CCPG1: variants seen among roughly 807,000 people sequenced by gnomAD.
The protein encoded by CCPG1 is cell cycle progression protein 1.
A neutral mutation model predicts 81.3 loss-of-function variants in CCPG1; 46 were observed. That is an observed-to-expected ratio of 0.57 (90% CI 0.45 to 0.72). CCPG1 has a LOEUF of 0.72. Among genes scored for constraint, CCPG1 ranks in the 30% least tolerant of loss-of-function variants. The pLI is 0.00. For missense variants in CCPG1, 902 were observed against 937.6 expected, an observed-to-expected ratio of 0.96 and a Z score of 0.50; for synonymous variants, 330 against 305.2, an observed-to-expected ratio of 1.08 and a Z score of -0.85.
At chr15:55,395,297 A>G (rs2056994938) in intron 1 of CCPG1, among the ~76,000 whole-genome samples, 1 of 107,586 alleles carries the variant, frequency 9.3e-6, no homozygotes, top group African/African-American at 7.2e-5. Context: ...AATCAAAGGA[A>G]AAAAAAAAAA....
At chr15:55,368,109 G>A (rs1290468002) in intron 6 of CCPG1, among the ~76,000 whole-genome samples, 1 of 152,164 alleles carries the variant, frequency 6.6e-6, no homozygotes, top group Non-Finnish European at 1.5e-5. Context: ...ATATGGAGAG[G>A]TGACTTTTCA....
chr15:55,393,693 G>A (rs1249692745), intron 1 of CCPG1, among the ~76,000 whole-genome samples: 1 of 152,112 alleles, frequency 6.6e-6, no homozygotes, highest in Non-Finnish European at 1.5e-5. Flanking sequence ...ACAGTAGTAT[G>A]AACACGGCTT....
intron 5 of CCPG1, among the ~76,000 whole-genome samples, chr15:55,376,313 A>T (rs1246532952): frequency 6.6e-6 from 1 of 152,242 alleles, no homozygotes; most frequent in Non-Finnish European, 1.5e-5. Context: ...AGCATAGCAG[A>T]AAGAAATCAA....
intron 1 of CCPG1, among the ~76,000 whole-genome samples, chr15:55,405,125 C>T (rs755587973): frequency 3.3e-5 from 5 of 151,974 alleles, no homozygotes; most frequent in Non-Finnish European, 5.9e-5. Context: ...CTTTAGAAGG[C>T]TGAGGCAGGC....
intron 1 of CCPG1, among the ~76,000 whole-genome samples, chr15:55,397,435 G>T (rs1448656094): frequency 9.4e-6 from 1 of 106,434 alleles, no homozygotes. Flanking sequence ...GCAGAAGCAA[G>T]AAGTTCATTT....
intron 7 of CCPG1, among the ~76,000 whole-genome samples, chr15:55,362,657 T>C (rs1221413542): frequency 6.6e-6 from 1 of 152,086 alleles, no homozygotes; most frequent in Non-Finnish European, 1.5e-5. Flanking sequence ...TTGACATAAG[T>C]GATTGATAAG....
intron 2 of CCPG1, among the ~76,000 whole-genome samples, chr15:55,387,607 C>T (rs139646261): frequency 6.6e-6 from 1 of 151,440 alleles, no homozygotes; most frequent in Non-Finnish European, 1.5e-5. Flanking sequence ...TGCAATGGCA[C>T]GAACTCTGCT....
Position 55,387,143 on chromosome 15 carries a change from A to G in CCPG1, c.61-1429T>C, listed in dbSNP as rs2056816599. Among the ~76,000 whole-genome samples the G allele has an allele frequency of 5.3e-5, 8 of 152,304 alleles. No homozygotes were observed. In the South Asian group the frequency reaches 1.7e-3, roughly 32 times the overall value. On this transcript the variant is annotated intron_variant, in intron 2 of 8. Transcript: ENST00000442196. The stretch of plus-strand genomic sequence containing the variant: ...AGAACCTGGAAAGCAGATATAGAAG[A>G]AGAGAGATAAAAGTACAAATATGAT...
intron 2 of CCPG1, among the ~76,000 whole-genome samples, chr15:55,389,025 C>T (rs551678988): frequency 1.5e-5 from 2 of 130,054 alleles, no homozygotes; most frequent in Admixed American, 8.4e-5. Flanking sequence ...GCTGAGATCA[C>T]GCCACTGCAC....
intron 6 of CCPG1, among the ~76,000 whole-genome samples, chr15:55,366,054 A>G (rs1371952855): frequency 2.0e-5 from 3 of 152,246 alleles, no homozygotes; most frequent in Non-Finnish European, 2.9e-5. Flanking sequence ...TCTTAAAAAC[A>G]TTTATTTACA....
rs761898458 is a variant in CCPG1, at chr15:55,377,040, T to C, written c.363A>G (p.Glu121=). ...TCTGTGCTTCTTCAACAATGACAAC[T>C]TCTTGATTTCCAATTTCTTCTAACT... is the stretch of plus-strand genomic sequence containing the variant. ...PPKLEEIGNQ[E]VVIVEEAQSS... The change falls in exon 5 of 9, where the codon GAA becomes GAG. Residue 121 remains glutamate (E), a synonymous_variant. Transcript: ENST00000442196. 5 of 1,613,948 alleles carry C rather than the reference T, an allele frequency of 3.1e-6. No individual in the cohort carries two copies. Among genetic ancestry groups the C allele is most frequent in the Non-Finnish European group, 4.2e-6 (5 of 1,179,908 alleles).
chr15:55,355,961 C>T lies in CCPG1; in HGVS notation c.*259G>A, dbSNP rs1056392688. 3 of 445,806 alleles carry T rather than the reference C, an allele frequency of 6.7e-6. No individual in the cohort carries two copies. The highest frequency in any genetic ancestry group is 1.2e-5 in the Non-Finnish European group (3 of 254,650). The allele number at this position is 445,806 out of a possible 1,614,324, so 27.6% of individuals were successfully genotyped here. On this transcript the variant is annotated 3_prime_UTR_variant, in exon 9 of 9. Transcript: ENST00000442196. ...CTCATTTCATGCACAAAATCTGTTG[C>T]ATGCCTGGCTTCCTTAATAAAACTA...
At position 55,389,361 on chromosome 15, in the gene CCPG1, A is replaced by G; in HGVS notation, c.60+4T>C. The G allele has an allele frequency of 6.3e-7, 1 of 1,581,468 alleles. No individual in the cohort carries two copies. Among genetic ancestry groups the G allele is most frequent in the Non-Finnish European group, 8.7e-7 (1 of 1,150,580 alleles). On this transcript the variant is annotated splice_donor_region_variant and intron_variant, in intron 2 of 8. Transcript: ENST00000442196. ...TACCTTATAAAAAGTATTAAATATC[A>G]TACCTCATGACTGATGACAGTCCAA...
rs1415133471 is a variant in CCPG1, at chr15:55,355,791, G to A, written c.*429C>T. The A allele has an allele frequency of 2.2e-5, 5 of 225,880 alleles. No individual in the cohort carries two copies. Among genetic ancestry groups the A allele is most frequent in the African/African-American group, 1.2e-4 (5 of 43,406 alleles). The allele number at this position is 225,880 out of a possible 1,614,324, so 14.0% of individuals were successfully genotyped here. A position where few individuals can be genotyped will look rare whatever the true frequency, so the allele number is the denominator to read the frequency against. On this transcript the variant is annotated 3_prime_UTR_variant, in exon 9 of 9. Transcript: ENST00000442196. ...ACCCACAAAAAGACAAGAAGTGAGTGTAAGATTATAAAATGTTAATGATGA... is the reference window on the plus strand; with the variant it reads ...ACCCACAAAAAGACAAGAAGTGAGTATAAGATTATAAAATGTTAATGATGA...
rs971812004 is a variant in CCPG1, at chr15:55,392,876, G to A, written c.-9-3443C>T. The stretch of plus-strand genomic sequence containing the variant: ...TCCCAGCACTTTGGGAGGCCAAGGC[G>A]GGTAGATCATAAGGGCAGGAGTTCA... On this transcript the variant is annotated intron_variant, in intron 1 of 8. Coordinates refer to ENST00000442196, the MANE Select transcript of CCPG1 (RefSeq NM_001204450.2). Among the ~76,000 whole-genome samples the A allele has an allele frequency of 7.2e-5, 11 of 152,140 alleles. No individual in the cohort carries two copies. The South Asian group carries it at 1.4e-3, about 20-fold the overall frequency.
chr15:55,397,406 G>A (rs761304563), intron 1 of CCPG1, among the ~76,000 whole-genome samples: 4 of 149,262 alleles, frequency 2.7e-5, no homozygotes, highest in Non-Finnish European at 5.9e-5. Flanking sequence ...TACTGGGACA[G>A]CATTGTGGGG....
At chr15:55,401,577 G>T (rs1048222196) in intron 1 of CCPG1, among the ~76,000 whole-genome samples, 2 of 150,976 alleles carry the variant, frequency 1.3e-5, no homozygotes, top group African/African-American at 4.9e-5. Context: ...TGAGGCAGGA[G>T]AATCACTTGA....
At chr15:55,406,053 C>T (rs1021929195) in intron 1 of CCPG1, among the ~76,000 whole-genome samples, 2 of 152,160 alleles carry the variant, frequency 1.3e-5, no homozygotes, top group Admixed American at 6.5e-5. Flanking sequence ...TTAGTAGAGA[C>T]GGGGTTTTGC....
chr15:55,374,663 C>T (rs2056524223), intron 5 of CCPG1, among the ~76,000 whole-genome samples: 1 of 152,160 alleles, frequency 6.6e-6, no homozygotes, highest in Non-Finnish European at 1.5e-5. Flanking sequence ...CGGGGTCTCC[C>T]TCTATTGCCC....
Sources: allele counts gnomAD v4.1 joint callset (sites outside exome capture counted in the v4.1 genomes callset), GRCh38; gene constraint gnomAD v4.1.1; transcripts MANE v1.5; gene names NCBI Gene and HGNC (gene_info 2026-07-23, HGNC 2026-07-21).